Variants in EYA3 observed in about 807,000 individuals in gnomAD.
EYA3 encodes protein phosphatase EYA3.
In EYA3, 39 loss-of-function variants were observed where a neutral mutation model predicts 80.0. The observed-to-expected ratio is 0.49, with a 90% CI of 0.38 to 0.64. The LOEUF (loss-of-function observed/expected upper bound fraction) is 0.64. EYA3 is among the 30% of genes least tolerant of loss of function. The pLI, the probability that EYA3 is intolerant of heterozygous loss-of-function variation, is 0.00. For synonymous variants in EYA3, 206 were observed against 232.8 expected (o/e 0.88, Z 1.05); for missense variants, 523 against 676.1 (o/e 0.77, Z 2.51).
intron 1 of EYA3, among the ~76,000 whole-genome samples, chr1:28,085,229 T>C (rs1645607151): frequency 6.6e-6 from 1 of 152,118 alleles, no homozygotes. Flanking sequence ...GGCAGGCAGA[T>C]TGCTTGAGTC....
chr1:28,055,281 G>A (rs925714222), intron 2 of EYA3, among the ~76,000 whole-genome samples: 1 of 152,138 alleles, frequency 6.6e-6, no homozygotes, highest in East Asian at 1.9e-4. Flanking sequence ...AGTAGAGGCT[G>A]TACAATAATC....
At chr1:28,001,670 T>G (rs1571760871) in intron 11 of EYA3, among the ~76,000 whole-genome samples, 2 of 130,726 alleles carry the variant, frequency 1.5e-5, no homozygotes, top group Admixed American at 8.1e-5. Flanking sequence ...ACCTGGGAGG[T>G]GGAGCTTGCA....
chr1:28,059,968 C>T (rs796449287), intron 1 of EYA3, among the ~76,000 whole-genome samples: 1 of 152,276 alleles, frequency 6.6e-6, no homozygotes, highest in African/African-American at 2.4e-5. Flanking sequence ...ATCTGCCTGC[C>T]TCAGCCTCCC....
At chr1:28,002,390 G>A (rs1288641556) in intron 11 of EYA3, among the ~76,000 whole-genome samples, 1 of 151,514 alleles carries the variant, frequency 6.6e-6, no homozygotes, top group Non-Finnish European at 1.5e-5. Context: ...TTACAGATGA[G>A]AGCCACCACG....
At chr1:27,979,925 C>G (rs934924609) in intron 16 of EYA3, among the ~76,000 whole-genome samples, 2 of 152,208 alleles carry the variant, frequency 1.3e-5, no homozygotes, top group Non-Finnish European at 2.9e-5. Flanking sequence ...AGAAGTTGTG[C>G]AGATATGTAA....
In EYA3 at chr1:28,038,878, C is replaced by A; in HGVS notation, c.185G>T (p.Arg62Leu). 1 of 1,598,318 alleles carries A rather than the reference C, an allele frequency of 6.3e-7. No homozygotes were observed. Among genetic ancestry groups the A allele is most frequent in the South Asian group, 1.1e-5 (1 of 88,424 alleles). Residue 62 changes from arginine (R) to leucine (L), a missense_variant, in exon 5 of 18, where the codon CGC (arginine) becomes CTC (leucine). By Grantham distance (102) the Arg-to-Leu change is moderately radical (BLOSUM62 -2). Around this residue, in one of 2 missense-constraint regions of EYA3, gnomAD observed 304 missense variants for 343.3 expected, o/e 0.89. Coordinates refer to ENST00000373871, the MANE Select transcript of EYA3 (RefSeq NM_001990.4). ...EIMTCTDYIPRSSNDYTSQMY... is the reference protein window; with the variant it reads ...EIMTCTDYIPLSSNDYTSQMY... ...TTGTGAGGTATAATCATTGGATGAG[C>A]GAGGGATGTAATCGGTGCATGTCAT...
At chr1:28,066,470 G>GA (rs898335788) in intron 1 of EYA3, among the ~76,000 whole-genome samples, 2 of 151,550 alleles carry the variant, frequency 1.3e-5, no homozygotes, top group Non-Finnish European at 2.9e-5. Flanking sequence ...AATAAATGGA[G>GA]AAAAAATCAG....
chr1:27,971,698 G>C lies in EYA3; in HGVS notation c.*2768C>G, dbSNP rs909503367. 6.6e-6 allele frequency: 1 copy of C among 151,734 alleles called. No homozygotes were observed. The highest frequency in any genetic ancestry group is 1.5e-5 in the Non-Finnish European group (1 of 67,988). The allele number at this position is 151,734 out of a possible 1,614,324, so 9.4% of individuals were successfully genotyped here. On this transcript the variant is annotated 3_prime_UTR_variant, in exon 18 of 18. Transcript: ENST00000373871. Reference sequence around the variant, plus strand: ...AATTTCATGAGGACTCTAATGAAGAGGGTCTCCCCCTTGATGAATGGACCC... The same window carrying C: ...AATTTCATGAGGACTCTAATGAAGACGGTCTCCCCCTTGATGAATGGACCC...
At chr1:28,085,643 A>G (rs1229176016) in intron 1 of EYA3, among the ~76,000 whole-genome samples, 2 of 152,252 alleles carry the variant, frequency 1.3e-5, no homozygotes, top group African/African-American at 4.8e-5. Flanking sequence ...TAATATGCAG[A>G]AACATATTTT....
Position 28,055,671 on chromosome 1 carries a change from A to G in EYA3, c.33+2323T>C, listed in dbSNP as rs568879252. On this transcript the variant is annotated intron_variant, in intron 2 of 17. Transcript: ENST00000373871. Reference sequence around the variant, plus strand: ...TTTTTAGTAGAGATGGGGTCTCCCCATGTTGGCCAGGCTGGTCTCAAACTC... The same window carrying G: ...TTTTTAGTAGAGATGGGGTCTCCCCGTGTTGGCCAGGCTGGTCTCAAACTC... Among the ~76,000 whole-genome samples the G allele has an allele frequency of 9.4e-4, 143 of 151,956 alleles. 1 individual carries two copies. Among genetic ancestry groups the G allele is most frequent in the Non-Finnish European group, 1.8e-3 (119 of 67,978 alleles).
In EYA3 at chr1:28,006,914, C is replaced by A. The variant is rs552032252; in HGVS notation, c.910-2495G>T. ...TTTGGAAAGGAAGAAGCAAAATTAT[C>A]TGTTTGCAGATGACATAATCTTTTT... On this transcript the variant is annotated intron_variant, in intron 10 of 17. Coordinates refer to ENST00000373871, the MANE Select transcript of EYA3 (RefSeq NM_001990.4). Among the ~76,000 whole-genome samples, 1,297 of 140,130 alleles carry A rather than the reference C, an allele frequency of 9.3e-3. 10 individuals are homozygous for A. The highest frequency in any genetic ancestry group is 0.016 in the African/African-American group (622 of 37,738). The allele number at this position is 140,130 out of a possible 152,430, so 91.9% of individuals were successfully genotyped here.
chr1:28,048,871 A>ACC (rs1355308748), intron 2 of EYA3, among the ~76,000 whole-genome samples: 1 of 152,202 alleles, frequency 6.6e-6, no homozygotes, highest in Non-Finnish European at 1.5e-5. Context: ...TTATCAGGTT[A>ACC]CCAGTAATTT....
chr1:27,983,905 T>A (rs1251575653), intron 16 of EYA3, among the ~76,000 whole-genome samples: 4 of 152,218 alleles, frequency 2.6e-5, no homozygotes, highest in African/African-American at 4.8e-5. Flanking sequence ...TCCACCCACC[T>A]CGGCCTCCCA....
chr1:28,007,291 A>G (rs1641353520), intron 10 of EYA3, among the ~76,000 whole-genome samples: 1 of 151,442 alleles, frequency 6.6e-6, no homozygotes, highest in Non-Finnish European at 1.5e-5. Context: ...AAATTGTTAA[A>G]GCTAATAAAT....
intron 3 of EYA3, among the ~76,000 whole-genome samples, chr1:28,046,738 G>A (rs1644018794): frequency 6.6e-6 from 1 of 152,168 alleles, no homozygotes; most frequent in Non-Finnish European, 1.5e-5. Flanking sequence ...GGTTTAATCA[G>A]GGTTGTGGTT....
Position 27,978,435 on chromosome 1 carries a change from C to T in EYA3, c.1580G>A (p.Gly527Glu). The change falls in exon 17 of 18, where the codon GGA becomes GAA. Residue 527 changes from glycine to glutamate, a missense_variant. This residue lies in a region of EYA3 where 219 missense variants were observed against 332.8 expected (regional missense o/e 0.66). Transcript: ENST00000373871. ...AATCACTACATATGTGACTTTCTTT[C>T]CAAACCTTGACACAATTCTCTCAAA... ...SCFERIVSRF[G>E]KKVTYVVIGD... The T allele has an allele frequency of 1.2e-6, 2 of 1,614,100 alleles. No individual in the cohort carries two copies. The highest frequency in any genetic ancestry group is 1.7e-6 in the Non-Finnish European group (2 of 1,179,994).
At chr1:27,983,748 C>T (rs1639463902) in intron 16 of EYA3, among the ~76,000 whole-genome samples, 1 of 152,106 alleles carries the variant, frequency 6.6e-6, no homozygotes, top group Non-Finnish European at 1.5e-5. Context: ...CTCTGCCTCC[C>T]CCACTCAAGC....
At chr1:27,992,950 T>C (rs1571735581) in intron 14 of EYA3, among the ~76,000 whole-genome samples, 1 of 152,316 alleles carries the variant, frequency 6.6e-6, no homozygotes, top group South Asian at 2.1e-4. Context: ...CCAAGATTCT[T>C]TAAATCACAA....
At chr1:28,077,229 G>C (rs1287299908) in intron 1 of EYA3, among the ~76,000 whole-genome samples, 2 of 150,606 alleles carry the variant, frequency 1.3e-5, no homozygotes, top group South Asian at 4.2e-4. Flanking sequence ...TCAGCCTCCT[G>C]AGTAGCTGGG....
Sources: gnomAD v4.1 joint callset for allele counts (sites outside exome capture counted in the v4.1 genomes callset) on GRCh38, gnomAD v4.1.1 for gene constraint, gnomAD v4.1.1 regional missense constraint, MANE v1.5 for transcripts, NCBI Gene and HGNC (gene_info 2026-07-23, HGNC 2026-07-21) for gene names.